The following TTN variants were observed in gnomAD, a reference collection of about 807,000 sequenced individuals.
The protein encoded by TTN is connectin.
TTN carries 1,525 observed loss-of-function variants against 3,223.0 expected under a neutral mutation model. The observed-to-expected ratio is 0.47, with a 90% CI of 0.45 to 0.49. The LOEUF (loss-of-function observed/expected upper bound fraction) is 0.49. Among genes scored for constraint, TTN ranks in the 20% least tolerant of loss-of-function variants. The probability of loss-of-function intolerance (pLI) is 0.00; values close to 1 mark genes in which losing one functional copy is unlikely to be tolerated. For synonymous variants in TTN, 14,094 were observed against 15,161.0 expected (o/e 0.93, Z 5.17); for missense variants, 40,786 against 43,424.0 (o/e 0.94, Z 5.40).
chr2:178,695,393 C>A lies in TTN; in HGVS notation c.31225G>T (p.Val10409Phe), dbSNP rs770219907. 16 of 1,612,076 alleles carry A rather than the reference C, an allele frequency of 9.9e-6. No individual in the cohort carries two copies. Among genetic ancestry groups the A allele is most frequent in the Non-Finnish European group, 1.4e-5 (16 of 1,178,698 alleles). The change falls in exon 115 of 363, where the codon GTT (valine) becomes TTT (phenylalanine). Residue 10409 changes from valine to phenylalanine, a missense_variant. Physicochemically the swap from Val to Phe is conservative, Grantham distance 50. Transcript: ENST00000589042. ...TTCTTTTCAGGTACTTTGGCTGGAA[C>A]TTTTCTCTCATGTGATTCTGAAATA... is the stretch of plus-strand genomic sequence containing the variant. The part of the protein sequence containing the change: ...EVYEESHERK[V>F]PAKVPEKKAP...
intron 55 of TTN, 39 bp from the exon 56 acceptor site, chr2:178,732,757 G>C (rs2080779641): frequency 6.4e-7 from 1 of 1,564,314 alleles, no homozygotes. Flanking sequence ...AAAGAGTTAA[G>C]AGGGTTGATC....
rs1210460444 is a variant in TTN at position 178,724,241 on chromosome 2, A to G, written c.21115+19T>C. The G allele has an allele frequency of 6.2e-7, 1 of 1,600,526 alleles. No homozygotes were observed. Among genetic ancestry groups the G allele is most frequent in the Non-Finnish European group, 8.5e-7 (1 of 1,173,662 alleles). On this transcript the variant is annotated intron_variant, in intron 72 of 362. Transcript: ENST00000589042. ...AAAGGAATTTGCATAAGCAACCAGA[A>G]GAAAACAGCAGAACTAACCTGAAAC...
In TTN at chr2:178,571,983, C is replaced by G. The variant is rs1243147358; in HGVS notation, c.74149G>C (p.Ala24717Pro). 4 of 1,613,102 alleles carry G rather than the reference C, an allele frequency of 2.5e-6. No homozygotes were observed. The African/African-American group carries it at 5.3e-5, about 22-fold the overall frequency. Residue 24717 changes from alanine to proline, a missense_variant, in exon 326 of 363, where the codon GCC becomes CCC. Transcript: ENST00000589042. ...AAAGTATTGAACAGGAGTTTGAAGGCTGGTGGAATGACAAGATCTTTGGCG... is the reference window on the plus strand; with the variant it reads ...AAAGTATTGAACAGGAGTTTGAAGGGTGGTGGAATGACAAGATCTTTGGCG... ...VIAKDLVIPP[A>P]FKLLFNTFTV...
In TTN at chr2:178,719,408, C is replaced by G; in HGVS notation, c.23982G>C (p.Val7994=). 6.2e-7 allele frequency: 1 copy of G among 1,613,366 alleles called. No homozygotes were observed. The highest frequency in any genetic ancestry group is 1.7e-5 in the Admixed American group (1 of 60,000). Residue 7994 remains valine (V), a synonymous_variant, in exon 83 of 363, where the codon GTG becomes GTC. Transcript: ENST00000589042. The stretch of plus-strand genomic sequence containing the variant: ...CAACTGAGGCCCCCAGGATGGCATT[C>G]ACGTCTTTCAGCTTGCGGATGAAGG... The part of the protein sequence containing the change: ...PPSFIRKLKD[V]NAILGASVVL...
intron 1 of TTN, 37 bp from the exon 2 acceptor site, chr2:178,804,692 C>CTAAG: frequency 1.9e-6 from 3 of 1,581,864 alleles, no homozygotes. Flanking sequence ...GGTGTCCCAG[C>CTAAG]TAAGGGTCAC....
Position 178,721,975 on chromosome 2 carries a change from A to T in TTN, c.22688T>A (p.Ile7563Asn). The change falls in exon 78 of 363, where the codon ATC becomes AAC. Residue 7563 changes from isoleucine (I) to asparagine (N), a missense_variant. Transcript: ENST00000589042. Reference protein sequence around the residue: ...KEIRPGGNYTITCVGNTPHLR... With the variant: ...KEIRPGGNYTNTCVGNTPHLR... ...ATGAGGAGTGTTTCCCACACATGTG[A>T]TTGTATAGTTTCCTCCAGGACGGAT... The T allele has an allele frequency of 6.2e-7, 1 of 1,613,540 alleles. No individual in the cohort carries two copies. The highest frequency in any genetic ancestry group is 8.5e-7 in the Non-Finnish European group (1 of 1,179,602).
Position 178,608,918 on chromosome 2 carries a change from C to G in TTN, c.52103-10G>C. 6.3e-7 allele frequency: 1 copy of G among 1,599,586 alleles called. No homozygotes were observed. Among genetic ancestry groups the G allele is most frequent in the Non-Finnish European group, 8.5e-7 (1 of 1,177,310 alleles). The stretch of plus-strand genomic sequence containing the variant: ...GGTGGTCCCGGTGTATCTAATATTT[C>G]AGAAGAGAACAGTAATCAAAAATTT... On this transcript the variant is annotated splice_polypyrimidine_tract_variant and intron_variant, in intron 273 of 362. Coordinates refer to ENST00000589042, the MANE Select transcript of TTN (RefSeq NM_001267550.2).
Position 178,572,187 on chromosome 2 carries a change from G to C in TTN, c.73945C>G (p.Leu24649Val). Residue 24649 changes from leucine (L) to valine (V), a missense_variant, in exon 326 of 363, where the codon CTA (leucine) becomes GTA (valine). Leu to Val is a conservative substitution (Grantham distance 32). Transcript: ENST00000589042. ...KPEHDGGSRILGYIVEMQTKG... is the reference protein window; with the variant it reads ...KPEHDGGSRIVGYIVEMQTKG... ...GTCTGCATCTCCACAATGTAGCCTA[G>C]AATTCGGCTGCCTCCATCATGCTCT... is the stretch of plus-strand genomic sequence containing the variant. The C allele has an allele frequency of 6.2e-7, 1 of 1,613,436 alleles. No individual in the cohort carries two copies. Among genetic ancestry groups the C allele is most frequent in the Non-Finnish European group, 8.5e-7 (1 of 1,179,624 alleles).
chr2:178,582,914 G>A, intron 313 of TTN, 26 bp downstream of exon 313: 2 of 1,458,218 alleles, frequency 1.4e-6, no homozygotes, highest in Non-Finnish European at 1.8e-6. Flanking sequence ...GTAAAATATG[G>A]GATTCCAATG....
chr2:178,592,020 A>G lies in TTN; in HGVS notation c.59884T>C (p.Phe19962Leu), dbSNP rs2050323196. 5.6e-6 allele frequency: 9 copies of G among 1,613,010 alleles called. No homozygotes were observed. Among genetic ancestry groups the G allele is most frequent in the Non-Finnish European group, 7.6e-6 (9 of 1,179,468 alleles). The change falls in exon 302 of 363, where the codon TTT becomes CTT. Residue 19962 changes from phenylalanine to leucine, a missense_variant. Coordinates refer to ENST00000589042, the MANE Select transcript of TTN (RefSeq NM_001267550.2). ...AAENQYGRGP[F>L]VETPKPIKAL... ...TTGATTGGTTTTGGTGTTTCAACAA[A>G]AGGACCACGTCCATACTGGTTCTCC...
rs2154296417 is a variant in TTN at position 178,713,092 on chromosome 2, A to T, written c.27042T>A (p.Thr9014=). 2 of 1,612,528 alleles carry T rather than the reference A, an allele frequency of 1.2e-6. No homozygotes were observed. Among genetic ancestry groups the T allele is most frequent in the South Asian group, 1.1e-5 (1 of 90,986 alleles). The change falls in exon 93 of 363, where the codon ACT becomes ACA. Residue 9014 remains threonine, a synonymous_variant. Coordinates refer to ENST00000589042, the MANE Select transcript of TTN (RefSeq NM_001267550.2). ...AGSDECSAPL[T]VREPPSFVQK... is the part of the protein sequence containing the mutation. The stretch of plus-strand genomic sequence containing the variant: ...ACTGTTTTGTAAACTGACCTCTCAC[A>T]GTCAAAGGAGCACTACATTCATCAG...
chr2:178,574,654 A>T lies in TTN; in HGVS notation c.71478T>A (p.Val23826=), dbSNP rs1553611441. 1.2e-6 allele frequency: 2 copies of T among 1,613,088 alleles called. No homozygotes were observed. The highest frequency in any genetic ancestry group is 4.5e-5 in the East Asian group (2 of 44,756). Residue 23826 remains valine, a synonymous_variant, in exon 326 of 363, where the codon GTT becomes GTA. Coordinates refer to ENST00000589042, the MANE Select transcript of TTN (RefSeq NM_001267550.2). ...CCTGAGGGGTACCAGGAGGTCCAGG[A>T]ACCTTAAATGGATAGTTGGCAACTA... ...ACIVANYPFK[V]PGPPGTPQVT...
Position 178,757,806 on chromosome 2 carries a change from A to G in TTN, c.10414T>C (p.Ser3472Pro), listed in dbSNP as rs1429881262. Reference protein sequence around the residue: ...GQKPSFIQPLSSLRVHNGETV... With the variant: ...GQKPSFIQPLPSLRVHNGETV... ...TCCCCGTTGTGCACCCTGAGGCTTGACAGAGGCTGGATGAAGCTGGGCTTT... is the reference window on the plus strand; with the variant it reads ...TCCCCGTTGTGCACCCTGAGGCTTGGCAGAGGCTGGATGAAGCTGGGCTTT... Residue 3472 changes from serine to proline, a missense_variant, in exon 45 of 363, where the codon TCA becomes CCA. By Grantham distance (74) the Ser-to-Pro change is moderately conservative (BLOSUM62 -1). Transcript: ENST00000589042. 1.2e-6 allele frequency: 2 copies of G among 1,611,976 alleles called. No individual in the cohort carries two copies. Among genetic ancestry groups the G allele is most frequent in the Non-Finnish European group, 1.7e-6 (2 of 1,178,644 alleles).
chr2:178,793,333 T>G, intron 9 of TTN, 71 bp downstream of exon 9: 2 of 1,577,166 alleles, frequency 1.3e-6, no homozygotes, highest in Admixed American at 3.5e-5. Context: ...ACACTCTTCA[T>G]GGTAAAGGTG....
In TTN at chr2:178,570,821, T is replaced by A. The variant is rs534319705; in HGVS notation, c.75311A>T (p.Asp25104Val). Residue 25104 changes from aspartate (D) to valine (V), a missense_variant, in exon 326 of 363, where the codon GAT (aspartate) becomes GTT (valine). By Grantham distance (152) the Asp-to-Val change is radical. Coordinates refer to ENST00000589042, the MANE Select transcript of TTN (RefSeq NM_001267550.2). ...ACTTATTCGTGGTGGATCTACCTCA[T>A]CTCTAGCTGTTATTGCTCCTGTGCT... ...SESTGAITAR[D>V]EVDPPRISMD... The A allele has an allele frequency of 7.4e-6, 12 of 1,613,556 alleles. No homozygotes were observed. The East Asian group carries it at 2.7e-4, about 36-fold the overall frequency.
intron 210 of TTN, 75 bp from the exon 211 acceptor site, chr2:178,649,969 C>A (rs2062675425): frequency 6.6e-7 from 1 of 1,505,164 alleles, no homozygotes; most frequent in Non-Finnish European, 9.1e-7. Flanking sequence ...GAATTAAAAA[C>A]CACACATATT....
At position 178,733,066 on chromosome 2, in the gene TTN, A is replaced by G; in HGVS notation, c.16110T>C (p.Val5370=). ...TKPLRNVDSV[V]NGTCRLDCKI... ...TGCAGTCCAGTCTGCAGGTACCATTAACAACACTATCCACGTTGCGCAAGG... is the reference window on the plus strand; with the variant it reads ...TGCAGTCCAGTCTGCAGGTACCATTGACAACACTATCCACGTTGCGCAAGG... Residue 5370 remains valine, a synonymous_variant, in exon 55 of 363, where the codon GTT becomes GTC. Transcript: ENST00000589042. 1.2e-6 allele frequency: 2 copies of G among 1,612,016 alleles called. No homozygotes were observed. The highest frequency in any genetic ancestry group is 1.7e-6 in the Non-Finnish European group (2 of 1,178,762).
chr2:178,728,117 A>G lies in TTN; in HGVS notation c.19707T>C (p.Thr6569=). 1.3e-6 allele frequency: 2 copies of G among 1,562,762 alleles called. No individual in the cohort carries two copies. Among genetic ancestry groups the G allele is most frequent in the Non-Finnish European group, 8.6e-7 (1 of 1,156,332 alleles). The change falls in exon 67 of 363, where the codon ACT becomes ACC. Residue 6569 remains threonine, a synonymous_variant. Coordinates refer to ENST00000589042, the MANE Select transcript of TTN (RefSeq NM_001267550.2). Reference sequence around the variant, plus strand: ...AGGTAAAGAAATTCTAACCTTTCACAGTTAAGATGCCACTGCATGCATCAT... The same window carrying G: ...AGGTAAAGAAATTCTAACCTTTCACGGTTAAGATGCCACTGCATGCATCAT... ...AGDDACSGIL[T]VKEPPSFLVK...
At chr2:178,781,369 C>CTAAA (rs2092745152) in intron 20 of TTN, 106 bp from the exon 21 acceptor site, 1 of 1,290,712 alleles carries the variant, frequency 7.7e-7, no homozygotes, top group South Asian at 1.3e-5. Flanking sequence ...AATTCAATGA[C>CTAAA]CCTAAACATA....
Sources: gnomAD v4.1 joint callset for allele counts on GRCh38, gnomAD v4.1.1 for gene constraint, MANE v1.5 for transcripts, NCBI Gene and HGNC (gene_info 2026-07-23, HGNC 2026-07-21) for gene names.